Variants in CASZ1 observed in about 807,000 individuals in gnomAD.
CASZ1 encodes castor zinc finger 1.
A neutral mutation model predicts 135.2 loss-of-function variants in CASZ1; 28 were observed. The observed-to-expected ratio is 0.21, with a 90% confidence interval of 0.15 to 0.28. CASZ1 has a LOEUF of 0.28. Ranked by LOEUF, CASZ1 falls within the 10% of genes least tolerant of loss-of-function variation. The probability of loss-of-function intolerance (pLI) is 1.00; values close to 1 mark genes in which losing one functional copy is unlikely to be tolerated. For synonymous variants in CASZ1, 1,068 were observed against 1,073.4 expected (o/e 0.99, Z 0.10); for missense variants, 2,161 against 2,453.3 (o/e 0.88, Z 2.52).
Position 10,648,229 on chromosome 1 carries a change from C to T in CASZ1, c.3159-90G>A, listed in dbSNP as rs564536711. On this transcript the variant is annotated intron_variant, in intron 15 of 20. Coordinates refer to ENST00000377022, the MANE Select transcript of CASZ1 (RefSeq NM_001079843.3). The stretch of plus-strand genomic sequence containing the variant: ...GTGACCCCATCACAGGCCTAGACCC[C>T]GGTGTCCGTCCCTACTCGTCCCCAT... 3.4e-5 allele frequency: 31 copies of T among 925,016 alleles called. No homozygotes were observed. In the East Asian group the frequency reaches 5.6e-4, roughly 17 times the overall value. The allele number at this position is 925,016 out of a possible 1,614,324, so 57.3% of individuals were successfully genotyped here. A position where few individuals can be genotyped will look rare whatever the true frequency, so the allele number is the denominator to read the frequency against.
rs922031723 is a variant in CASZ1, at chr1:10,697,674, C to G, written c.-23-3762G>C. Reference sequence around the variant, plus strand: ...TCTCACTCACCAGCCTGTTTACACACCAGGTATCTCATGCTTTATCTGCTC... The same window carrying G: ...TCTCACTCACCAGCCTGTTTACACAGCAGGTATCTCATGCTTTATCTGCTC... On this transcript the variant is annotated intron_variant, in intron 3 of 20. Transcript: ENST00000377022. This position sits in a 1 kb window ranked among gnomAD's most constrained non-coding sequence, Gnocchi z 4.7. 2.6e-5 allele frequency among the ~76,000 whole-genome samples: 4 copies of G among 152,306 alleles called. No homozygotes were observed. Among genetic ancestry groups the G allele is most frequent in the Non-Finnish European group, 5.9e-5 (4 of 68,024 alleles).
At chr1:10,787,006 CT>C (rs1640871303) in intron 1 of CASZ1, among the ~76,000 whole-genome samples, 1 of 152,212 alleles carries the variant, frequency 6.6e-6, no homozygotes, top group Non-Finnish European at 1.5e-5. Flanking sequence ...ACCGGCTCCC[CT>C]GACCTTGGGG....
At chr1:10,680,285 T>TGGGGGGGGGGGGGGG (rs1557500162) in intron 4 of CASZ1, among the ~76,000 whole-genome samples, 5 of 92,668 alleles carry the variant, frequency 5.4e-5, no homozygotes, top group Admixed American at 1.2e-4. Context: ...CGGCGGGGGA[T>TGGGGGGGGGGGGGGG]GGTGGAGGGG....
In CASZ1 at chr1:10,659,811, C is replaced by G. The variant is rs746340050; in HGVS notation, c.1231G>C (p.Gly411Arg). The G allele has an allele frequency of 9.3e-6, 15 of 1,612,324 alleles. No homozygotes were observed. Among genetic ancestry groups the G allele is most frequent in the Non-Finnish European group, 1.3e-5 (15 of 1,179,546 alleles). Reference protein sequence around the residue: ...ASVPSAPSAPGPGPEPPASLS... With the variant: ...ASVPSAPSAPRPGPEPPASLS... The stretch of plus-strand genomic sequence containing the variant: ...GAGGCAGGAGGCTCTGGCCCTGGCC[C>G]GGGGGCGCTGGGGGCACTGGGCACG... Residue 411 changes from glycine to arginine, a missense_variant, in exon 6 of 21, where the codon GGG (glycine) becomes CGG (arginine). Transcript: ENST00000377022.
Position 10,682,208 on chromosome 1 carries a change from C to T in CASZ1, c.16+11666G>A, listed in dbSNP as rs1023156698. Among the ~76,000 whole-genome samples the T allele has an allele frequency of 2.6e-5, 4 of 152,000 alleles. No individual in the cohort carries two copies. In the East Asian group the frequency reaches 7.7e-4, roughly 29 times the overall value. On this transcript the variant is annotated intron_variant, in intron 4 of 20. Transcript: ENST00000377022. ...TGCTGTCCCAGACAACTGGGACAGC[C>T]GCAGCTAAGGGTGAGGCTGTGAGAT...
At position 10,657,773 on chromosome 1, in the gene CASZ1, C is replaced by T. The variant is rs1642855830; in HGVS notation, c.1409+735G>A. ...GACAGGCGCCAGCCGCTGGGTGCTG[C>T]CCCATCAGAGGGCAGGCGGTGGGGG... On this transcript the variant is annotated intron_variant, in intron 7 of 20. Coordinates refer to ENST00000377022, the MANE Select transcript of CASZ1 (RefSeq NM_001079843.3). This position sits in a 1 kb window ranked among gnomAD's most constrained non-coding sequence, Gnocchi z 5.7. 6.9e-6 allele frequency among the ~76,000 whole-genome samples: 1 copy of T among 144,436 alleles called. No homozygotes were observed. Among genetic ancestry groups the T allele is most frequent in the Non-Finnish European group, 1.5e-5 (1 of 66,582 alleles). The allele number at this position is 144,436 out of a possible 152,430, so 94.8% of individuals were successfully genotyped here. A position where few individuals can be genotyped will look rare whatever the true frequency, so the allele number is the denominator to read the frequency against.
Position 10,699,027 on chromosome 1 carries a change from G to A in CASZ1, c.-23-5115C>T, listed in dbSNP as rs1388798415. ...CACCCATGGCCTGGCCTGGGTTGGGGGTGGGAGCAAGATGGAGCCTGGGGT... is the reference window on the plus strand; with the variant it reads ...CACCCATGGCCTGGCCTGGGTTGGGAGTGGGAGCAAGATGGAGCCTGGGGT... On this transcript the variant is annotated intron_variant, in intron 3 of 20. Coordinates refer to ENST00000377022, the MANE Select transcript of CASZ1 (RefSeq NM_001079843.3). The surrounding 1 kb of genome is among the most constrained non-coding windows in gnomAD (Gnocchi z 4.6). Among the ~76,000 whole-genome samples, 7 of 152,204 alleles carry A rather than the reference G, an allele frequency of 4.6e-5. No homozygotes were observed. The highest frequency in any genetic ancestry group is 2.9e-5 in the Non-Finnish European group (2 of 68,024).
At chr1:10,787,993 C>G (rs1640889335) in intron 1 of CASZ1, among the ~76,000 whole-genome samples, 1 of 152,146 alleles carries the variant, frequency 6.6e-6, no homozygotes, top group Non-Finnish European at 1.5e-5. Flanking sequence ...GTGCTATTCT[C>G]CATGCTGACA....
chr1:10,681,646 C>T (rs1009250498), intron 4 of CASZ1, among the ~76,000 whole-genome samples: 1 of 152,244 alleles, frequency 6.6e-6, no homozygotes, highest in Non-Finnish European at 1.5e-5. Context: ...ATCCCTGGGA[C>T]GAGACCACTG....
chr1:10,668,700 C>G (rs371108800), intron 4 of CASZ1, among the ~76,000 whole-genome samples: 1 of 152,242 alleles, frequency 6.6e-6, no homozygotes. Context: ...TGGGAGCTCA[C>G]GGCGGAGCTC....
rs947332364 is a variant in CASZ1 at position 10,759,265 on chromosome 1, C to A, written c.-77+1436G>T. On this transcript the variant is annotated intron_variant, in intron 2 of 20. Transcript: ENST00000377022. This position sits in a 1 kb window ranked among gnomAD's most constrained non-coding sequence, Gnocchi z 4.2. Reference sequence around the variant, plus strand: ...CAGGATTCATGATCATCAGAGGAAGCAGAGTCTGTTAAGAATAGCCCGGGA... The same window carrying A: ...CAGGATTCATGATCATCAGAGGAAGAAGAGTCTGTTAAGAATAGCCCGGGA... Among the ~76,000 whole-genome samples, 3 of 152,156 alleles carry A rather than the reference C, an allele frequency of 2.0e-5. No homozygotes were observed. The highest frequency in any genetic ancestry group is 2.0e-4 in the Admixed American group (3 of 15,278).
intron 4 of CASZ1, among the ~76,000 whole-genome samples, chr1:10,682,170 A>AGGGACAGCCACCTGCTGTCCCAGACAACT (rs1394312327): frequency 1.3e-5 from 2 of 152,322 alleles, no homozygotes; most frequent in African/African-American, 2.4e-5. Context: ...CACAACACAC[A>AGGGACAGCCACCTGCTGTCCCAGACAACT]GGGACAGCCA....
chr1:10,646,299 C>G lies in CASZ1; in HGVS notation c.3525G>C (p.Lys1175Asn), dbSNP rs376622605. The stretch of plus-strand genomic sequence containing the variant: ...AGTGGAAGTGGAACTTGTTGGCGTA[C>G]TTGCAGTCCGTGGCGAGGCAAGGAT... The part of the protein sequence containing the change: ...ENDPCLATDC[K>N]YANKFHFHCL... The change falls in exon 17 of 21, where the codon AAG becomes AAC. Residue 1175 changes from lysine (K) to asparagine (N), a missense_variant. Physicochemically the swap from Lys to Asn is moderately conservative, Grantham distance 94. Around this residue, in one of 7 missense-constraint regions of CASZ1, gnomAD observed 349 missense variants for 460.8 expected, o/e 0.76. Coordinates refer to ENST00000377022, the MANE Select transcript of CASZ1 (RefSeq NM_001079843.3). This position sits in a 1 kb window ranked among gnomAD's most constrained non-coding sequence, Gnocchi z 6.4. 5.6e-6 allele frequency: 9 copies of G among 1,614,014 alleles called. No individual in the cohort carries two copies. Among genetic ancestry groups the G allele is most frequent in the Non-Finnish European group, 7.6e-6 (9 of 1,180,028 alleles).
chr1:10,699,389 CTG>C lies in CASZ1; in HGVS notation c.-23-5479_-23-5478del, dbSNP rs1639012369. On this transcript the variant is annotated intron_variant, in intron 3 of 20. Coordinates refer to ENST00000377022, the MANE Select transcript of CASZ1 (RefSeq NM_001079843.3). The surrounding 1 kb of genome is among the most constrained non-coding windows in gnomAD (Gnocchi z 4.6). ...CCCCAACCCCCACATCCCACTTACC[CTG>C]CTCTAAAAGGTGCTCTCAGAGTCAG... 3.3e-5 allele frequency among the ~76,000 whole-genome samples: 5 copies of C among 152,220 alleles called. No individual in the cohort carries two copies. The highest frequency in any genetic ancestry group is 1.2e-4 in the African/African-American group (5 of 41,448).
chr1:10,671,261 C>T (rs1181110782), intron 4 of CASZ1, among the ~76,000 whole-genome samples: 2 of 152,220 alleles, frequency 1.3e-5, no homozygotes, highest in East Asian at 3.9e-4. Context: ...AGAGAGTTAC[C>T]ACCCAGGGGA....
chr1:10,653,266 C>T (rs1302739102), intron 11 of CASZ1, 111 bp downstream of exon 11: 1 of 1,113,806 alleles, frequency 9.0e-7, no homozygotes, highest in African/African-American at 1.5e-5. Flanking sequence ...AAGCAGGGGC[C>T]ACACGGACAC....
At chr1:10,791,572 C>G (rs1640955654) in intron 1 of CASZ1, among the ~76,000 whole-genome samples, 1 of 152,184 alleles carries the variant, frequency 6.6e-6, no homozygotes, top group Non-Finnish European at 1.5e-5. Flanking sequence ...CAGGCGTGGA[C>G]TGCACTGCTG....
intron 13 of CASZ1, 155 bp from the exon 14 acceptor site, chr1:10,649,592 C>CA: frequency 1.2e-6 from 1 of 846,316 alleles, no homozygotes; most frequent in Non-Finnish European, 1.8e-6. Flanking sequence ...CTGGCTGTGG[C>CA]TGGGCCCTCT....
In CASZ1 at chr1:10,658,550, G is replaced by T; in HGVS notation, c.1367C>A (p.Ala456Asp). 1 of 1,614,102 alleles carries T rather than the reference G, an allele frequency of 6.2e-7. No individual in the cohort carries two copies. The highest frequency in any genetic ancestry group is 2.2e-5 in the East Asian group (1 of 44,882). The stretch of plus-strand genomic sequence containing the variant: ...GTAAATGTTTACATCTTCAGTGACG[G>T]CTGGTTTATCTGTGGGCAGTCCGTT... ...VKNGLPTDKP[A>D]VTEDVNIYQK... The change falls in exon 7 of 21, where the codon GCC becomes GAC. Residue 456 changes from alanine (A) to aspartate (D), a missense_variant. Ala to Asp is a moderately radical substitution (Grantham distance 126). Around this residue, in one of 7 missense-constraint regions of CASZ1, gnomAD observed 248 missense variants for 410.8 expected, o/e 0.60. Coordinates refer to ENST00000377022, the MANE Select transcript of CASZ1 (RefSeq NM_001079843.3).
Sources: gnomAD v4.1 joint callset for allele counts (sites outside exome capture counted in the v4.1 genomes callset) on GRCh38, gnomAD v4.1.1 for gene constraint, gnomAD v4.1.1 regional missense constraint, Gnocchi (gnomAD v3.1) non-coding constraint, MANE v1.5 for transcripts, NCBI Gene and HGNC (gene_info 2026-07-23, HGNC 2026-07-21) for gene names.